XKR4: variants seen among roughly 807,000 people sequenced by gnomAD.
XKR4 encodes the protein XK-related protein 4.
In XKR4, 12 loss-of-function variants were observed where a neutral mutation model predicts 53.9. That is an observed-to-expected ratio of 0.22 (90% CI 0.14 to 0.36). XKR4 has a LOEUF of 0.36. Among genes scored for constraint, XKR4 ranks in the 10% least tolerant of loss-of-function variants. The probability of loss-of-function intolerance (pLI) is 1.00; values close to 1 mark genes in which losing one functional copy is unlikely to be tolerated. For missense variants in XKR4, 799 were observed against 859.5 expected, an observed-to-expected ratio of 0.93 and a Z score of 0.88; for synonymous variants, 354 against 362.4, an observed-to-expected ratio of 0.98 and a Z score of 0.26.
At chr8:55,363,209 A>C (rs1201021340) in intron 2 of XKR4, among the ~76,000 whole-genome samples, 1 of 152,188 alleles carries the variant, frequency 6.6e-6, no homozygotes, top group African/African-American at 2.4e-5. Context: ...GGGTGTGCTG[A>C]GTGAGTTACC....
At chr8:55,304,239 C>T (rs1394436447) in intron 1 of XKR4, among the ~76,000 whole-genome samples, 1 of 152,152 alleles carries the variant, frequency 6.6e-6, no homozygotes, top group Admixed American at 6.5e-5. Flanking sequence ...GTTATTTCTG[C>T]CTTCATTTCG....
intron 2 of XKR4, among the ~76,000 whole-genome samples, chr8:55,418,313 T>C (rs1804878903): frequency 6.6e-6 from 1 of 152,222 alleles, no homozygotes; most frequent in Non-Finnish European, 1.5e-5. Context: ...CAGGAGCTCC[T>C]GATGGTTCTC....
intron 1 of XKR4, among the ~76,000 whole-genome samples, chr8:55,137,124 T>A (rs1408024842): frequency 2.6e-5 from 4 of 152,118 alleles, no homozygotes; most frequent in African/African-American, 9.7e-5. Flanking sequence ...AGTAATCTCC[T>A]AGACTCCCAG....
intron 2 of XKR4, among the ~76,000 whole-genome samples, chr8:55,427,091 G>A (rs949518928): frequency 2.0e-5 from 3 of 152,144 alleles, no homozygotes. Context: ...TATTACTGTA[G>A]TACTACATTT....
chr8:55,413,277 C>T (rs1348133019), intron 2 of XKR4, among the ~76,000 whole-genome samples: 1 of 152,178 alleles, frequency 6.6e-6, no homozygotes, highest in African/African-American at 2.4e-5. Context: ...GGCTGGAGTG[C>T]AGTGGTGCAA....
rs142441954 is a variant in XKR4, at chr8:55,141,078, A to C, written c.806+37784A>C. Among the ~76,000 whole-genome samples, 796 of 152,226 alleles carry C rather than the reference A, an allele frequency of 5.2e-3. 29 individuals are homozygous for C. The highest frequency in any genetic ancestry group is 0.039 in the Admixed American group (593 of 15,290). On this transcript the variant is annotated intron_variant, in intron 1 of 2. Transcript: ENST00000327381. Reference sequence around the variant, plus strand: ...ACAATCAATTTTGTAACACTTTTGTACCCCACAGAAGAAACTCTGTACCCA... The same window carrying C: ...ACAATCAATTTTGTAACACTTTTGTCCCCCACAGAAGAAACTCTGTACCCA...
intron 1 of XKR4, among the ~76,000 whole-genome samples, chr8:55,353,757 G>A (rs770175414): frequency 6.6e-5 from 10 of 152,332 alleles, no homozygotes; most frequent in Non-Finnish European, 1.2e-4. Flanking sequence ...ATAAGCATGT[G>A]AACAGCCATG....
chr8:55,245,864 G>A (rs1818278058), intron 1 of XKR4, among the ~76,000 whole-genome samples: 1 of 152,180 alleles, frequency 6.6e-6, no homozygotes, highest in African/African-American at 2.4e-5. Context: ...GGAGGCTGAG[G>A]TGGGTGGATT....
chr8:55,468,495 TA>T (rs1255607988), intron 2 of XKR4, among the ~76,000 whole-genome samples: 5 of 151,986 alleles, frequency 3.3e-5, no homozygotes, highest in Admixed American at 1.3e-4. Flanking sequence ...ATGTCTTATT[TA>T]AAAAAAATAC....
rs36159603 is a variant in XKR4, at chr8:55,210,072, C to A, written c.806+106778C>A. ...ACTTCATCTTTTCTAGAGTTTTATG[C>A]CTTCATCCTCTCCATTTTTTTTTTT... On this transcript the variant is annotated intron_variant, in intron 1 of 2. Coordinates refer to ENST00000327381, the MANE Select transcript of XKR4 (RefSeq NM_052898.2). Among the ~76,000 whole-genome samples, 345 of 134,128 alleles carry A rather than the reference C, an allele frequency of 2.6e-3. 1 individual carries two copies. The highest frequency in any genetic ancestry group is 3.0e-3 in the Non-Finnish European group (185 of 62,448). 88.0% of individuals were successfully genotyped at this position (134,128 alleles called of 152,430 possible).
At chr8:55,452,916 C>A (rs1805476943) in intron 2 of XKR4, 1 of 800,300 alleles carries the variant, frequency 1.2e-6, no homozygotes, top group African/African-American at 1.7e-5. Context: ...GATGGCCTGG[C>A]TGAACACTGT....
chr8:55,165,804 CA>C (rs536690179), intron 1 of XKR4, among the ~76,000 whole-genome samples: 127 of 60,416 alleles, frequency 2.1e-3, no homozygotes, highest in Middle Eastern at 8.6e-3. Flanking sequence ...GACTCCGTCT[CA>C]AAAAAAAAAA....
Position 55,127,048 on chromosome 8 carries a change from A to G in XKR4, c.806+23754A>G, listed in dbSNP as rs1215669747. Among the ~76,000 whole-genome samples the G allele has an allele frequency of 2.0e-5, 3 of 152,158 alleles. No individual in the cohort carries two copies. The East Asian group carries it at 5.8e-4, about 29-fold the overall frequency. ...GAAAACTAATCATACATAGCAAGTG[A>G]TGAGTCCTGTGCTAGTGGGTTGCAT... is the stretch of plus-strand genomic sequence containing the variant. On this transcript the variant is annotated intron_variant, in intron 1 of 2. Coordinates refer to ENST00000327381, the MANE Select transcript of XKR4 (RefSeq NM_052898.2).
intron 1 of XKR4, among the ~76,000 whole-genome samples, chr8:55,235,983 G>A (rs145484186): frequency 6.6e-6 from 1 of 152,306 alleles, no homozygotes; most frequent in South Asian, 2.1e-4. Context: ...GTTCAGAGGT[G>A]TCTTTATCTG....
chr8:55,358,960 A>T (rs956541553), intron 2 of XKR4, among the ~76,000 whole-genome samples: 3 of 152,216 alleles, frequency 2.0e-5, no homozygotes, highest in Non-Finnish European at 4.4e-5. Flanking sequence ...TGTTACCTGT[A>T]TAGGAAAAGG....
intron 2 of XKR4, among the ~76,000 whole-genome samples, chr8:55,410,517 C>T (rs541489435): frequency 2.0e-5 from 3 of 152,354 alleles, no homozygotes; most frequent in Non-Finnish European, 2.9e-5. Context: ...TGGACAGACG[C>T]TCCACCAGCC....
intron 1 of XKR4, among the ~76,000 whole-genome samples, chr8:55,240,955 T>G (rs1239921812): frequency 6.6e-6 from 1 of 152,226 alleles, no homozygotes; most frequent in Non-Finnish European, 1.5e-5. Context: ...GAGGACTACT[T>G]GGCCCTGTCT....
chr8:55,340,389 A>T (rs1259566177), intron 1 of XKR4, among the ~76,000 whole-genome samples: 1 of 152,256 alleles, frequency 6.6e-6, no homozygotes, highest in Non-Finnish European at 1.5e-5. Flanking sequence ...ATTTACATTT[A>T]GAATGATGAG....
intron 1 of XKR4, among the ~76,000 whole-genome samples, chr8:55,296,972 A>G (rs1819110259): frequency 6.6e-6 from 1 of 152,222 alleles, no homozygotes; most frequent in African/African-American, 2.4e-5. Flanking sequence ...ACCCTGAACA[A>G]AATGCTTAAC....
Sources: gnomAD v4.1 joint callset for allele counts (sites outside exome capture counted in the v4.1 genomes callset) on GRCh38, gnomAD v4.1.1 for gene constraint, MANE v1.5 for transcripts, NCBI Gene and HGNC (gene_info 2026-07-23, HGNC 2026-07-21) for gene names.